CAPZB: variants seen among roughly 807,000 people sequenced by gnomAD.
CAPZB encodes the protein F-actin-capping protein subunit beta.
A neutral mutation model predicts 38.1 loss-of-function variants in CAPZB; 2 were observed. That is an observed-to-expected ratio of 0.05 (90% CI 0.02 to 0.17). The LOEUF is 0.17. Among genes scored for constraint, CAPZB ranks in the 10% least tolerant of loss-of-function variants. The pLI is 1.00. For missense variants in CAPZB, 161 were observed against 334.2 expected (o/e 0.48, Z 4.04); for synonymous variants, 107 against 127.4 (o/e 0.84, Z 1.08).
chr1:19,347,746 G>A (rs2093969872), intron 6 of CAPZB, among the ~76,000 whole-genome samples: 1 of 152,170 alleles, frequency 6.6e-6, no homozygotes, highest in Non-Finnish European at 1.5e-5. Context: ...TACAGAACGA[G>A]AGCAGCAACT....
At chr1:19,455,442 C>A (rs953874452) in intron 1 of CAPZB, among the ~76,000 whole-genome samples, 1 of 152,206 alleles carries the variant, frequency 6.6e-6, no homozygotes, top group African/African-American at 2.4e-5. Flanking sequence ...ATAAGACATG[C>A]AGGCCTCCCT....
In CAPZB at chr1:19,354,371, C is replaced by T. The variant is rs773223254; in HGVS notation, c.588+2264G>A. 3.6e-3 allele frequency among the ~76,000 whole-genome samples: 555 copies of T among 152,310 alleles called. 1 individual carries two copies. The highest frequency in any genetic ancestry group is 4.1e-3 in the Non-Finnish European group (282 of 68,038). The stretch of plus-strand genomic sequence containing the variant: ...AGCCAAGCTCTGCAACCCTCACTTC[C>T]CCTGTTTGCTCAGAAGCTGTGCATC... On this transcript the variant is annotated intron_variant, in intron 6 of 8. Transcript: ENST00000264202.
At position 19,356,827 on chromosome 1, in the gene CAPZB, C is replaced by CTTA; in HGVS notation, c.472-77_472-76insTAA. ...CCCCTGGAATTCAGGGTCATCCTAA[C>CTTA]ATCTCCCTTCCTAGGTCATTATCAC... On this transcript the variant is annotated intron_variant, in intron 5 of 8. Transcript: ENST00000264202. The surrounding 1 kb of genome is among the most constrained non-coding windows in gnomAD (Gnocchi z 4.3). 2 of 856,442 alleles carry CTTA rather than the reference C, an allele frequency of 2.3e-6. No individual in the cohort carries two copies. The highest frequency in any genetic ancestry group is 3.9e-6 in the Non-Finnish European group (2 of 518,636). 53.1% of individuals were successfully genotyped at this position (856,442 alleles called of 1,614,324 possible).
chr1:19,450,297 T>C (rs985264805), intron 1 of CAPZB, among the ~76,000 whole-genome samples: 4 of 152,282 alleles, frequency 2.6e-5, no homozygotes, highest in Middle Eastern at 3.4e-3. Flanking sequence ...TTGAATTTTT[T>C]CCAATTTTGA....
intron 4 of CAPZB, among the ~76,000 whole-genome samples, chr1:19,374,848 T>A (rs1331159577): frequency 6.6e-6 from 1 of 152,210 alleles, no homozygotes; most frequent in African/African-American, 2.4e-5. Context: ...AGCTGTGGCC[T>A]TGCTCAGGGG....
chr1:19,427,931 T>G (rs944549796), intron 1 of CAPZB, among the ~76,000 whole-genome samples: 1 of 152,246 alleles, frequency 6.6e-6, no homozygotes, highest in African/African-American at 2.4e-5. Flanking sequence ...TTAAAAACCA[T>G]GCAACATAAA....
chr1:19,465,881 C>T (rs1050158720), intron 1 of CAPZB, among the ~76,000 whole-genome samples: 2 of 152,132 alleles, frequency 1.3e-5, no homozygotes, highest in Non-Finnish European at 2.9e-5. Context: ...AGACCAACAA[C>T]ATGTACGGAG....
At chr1:19,449,802 A>G (rs1042086685) in intron 1 of CAPZB, among the ~76,000 whole-genome samples, 9 of 146,642 alleles carry the variant, frequency 6.1e-5, no homozygotes, top group Admixed American at 6.8e-5. Flanking sequence ...AAAAAAAAAG[A>G]GAGAGACAGA....
In CAPZB at chr1:19,357,058, T is replaced by C. The variant is rs2094025384; in HGVS notation, c.472-307A>G. Among the ~76,000 whole-genome samples, 1 of 152,058 alleles carries C rather than the reference T, an allele frequency of 6.6e-6. No homozygotes were observed. The highest frequency in any genetic ancestry group is 6.6e-5 in the Admixed American group (1 of 15,264). ...TTTTGTGTTTTTGGTAGAGATGCGG[T>C]TTCGCCATATTGGCCAGGCTGGTCT... is the stretch of plus-strand genomic sequence containing the variant. On this transcript the variant is annotated intron_variant, in intron 5 of 8. Transcript: ENST00000264202. The surrounding 1 kb of genome is among the most constrained non-coding windows in gnomAD (Gnocchi z 4.3).
chr1:19,352,365 T>C (rs2093996111), intron 6 of CAPZB, among the ~76,000 whole-genome samples: 2 of 152,358 alleles, frequency 1.3e-5, no homozygotes, highest in Middle Eastern at 6.8e-3. Flanking sequence ...CCACCTTCAT[T>C]TCTAAATATT....
chr1:19,479,268 C>T (rs566220417), intron 1 of CAPZB, among the ~76,000 whole-genome samples: 2 of 152,262 alleles, frequency 1.3e-5, no homozygotes, highest in East Asian at 1.9e-4. Context: ...ATGCAGAGCC[C>T]GCCACCCCAC....
chr1:19,459,293 A>G lies in CAPZB; in HGVS notation c.3+26143T>C, dbSNP rs545190073. Among the ~76,000 whole-genome samples, 19 of 152,364 alleles carry G rather than the reference A, an allele frequency of 1.2e-4. 1 individual carries two copies. The highest frequency in any genetic ancestry group is 3.8e-4 in the African/African-American group (16 of 41,590). ...AAAAATCATTCAAACACAGGCACAG[A>G]AAACACCTCAACAAATGTCTATCAA... On this transcript the variant is annotated intron_variant, in intron 1 of 8. Transcript: ENST00000264202.
chr1:19,347,744 G>A (rs1027708906), intron 6 of CAPZB, among the ~76,000 whole-genome samples: 3 of 152,146 alleles, frequency 2.0e-5, no homozygotes, highest in African/African-American at 4.8e-5. Flanking sequence ...GCTACAGAAC[G>A]AGAGCAGCAA....
At chr1:19,463,437 T>C (rs1377904755) in intron 1 of CAPZB, among the ~76,000 whole-genome samples, 1 of 152,174 alleles carries the variant, frequency 6.6e-6, no homozygotes, top group Non-Finnish European at 1.5e-5. Context: ...AGGATGTGAT[T>C]TCTTAGAAGT....
rs545503275 is a variant in CAPZB, at chr1:19,350,186, C to T, written c.589-4934G>A. 4.7e-3 allele frequency among the ~76,000 whole-genome samples: 714 copies of T among 152,378 alleles called. 2 individuals carry two copies. The highest frequency in any genetic ancestry group is 0.015 in the African/African-American group (637 of 41,596). On this transcript the variant is annotated intron_variant, in intron 6 of 8. Transcript: ENST00000264202. ...CACTGCCACGTGGCATCTTCTAGCGCGACCCGCAGGGCGTGGCCCTAAGGC... is the reference window on the plus strand; with the variant it reads ...CACTGCCACGTGGCATCTTCTAGCGTGACCCGCAGGGCGTGGCCCTAAGGC...
intron 2 of CAPZB, among the ~76,000 whole-genome samples, chr1:19,403,395 T>G (rs935649627): frequency 2.6e-5 from 4 of 152,040 alleles, no homozygotes; most frequent in African/African-American, 9.7e-5. Context: ...GATGGGAAGA[T>G]GAGCAGTTAG....
intron 1 of CAPZB, among the ~76,000 whole-genome samples, chr1:19,436,182 G>A (rs998400117): frequency 6.6e-6 from 1 of 152,208 alleles, no homozygotes; most frequent in African/African-American, 2.4e-5. Flanking sequence ...AAACAATTTG[G>A]AAGTTTTAAA....
chr1:19,378,444 T>C, intron 4 of CAPZB, 96 bp downstream of exon 4: 1 of 754,194 alleles, frequency 1.3e-6, no homozygotes, highest in Non-Finnish European at 2.4e-6. Flanking sequence ...GGGAGAATGC[T>C]TGGCCAGGTA....
intron 2 of CAPZB, 123 bp from the exon 3 acceptor site, chr1:19,385,749 C>A (rs766564661): frequency 9.1e-7 from 1 of 1,097,130 alleles, no homozygotes; most frequent in Middle Eastern, 2.0e-4. Context: ...GGCACTGAGA[C>A]AAAATTATGG....
Sources: allele counts gnomAD v4.1 joint callset (sites outside exome capture counted in the v4.1 genomes callset), GRCh38; gene constraint gnomAD v4.1.1; non-coding constraint Gnocchi (gnomAD v3.1); transcripts MANE v1.5; gene names NCBI Gene and HGNC (gene_info 2026-07-23, HGNC 2026-07-21).